The following CDH18 variants were observed in gnomAD, a reference collection of about 807,000 sequenced individuals.
CDH18 encodes cadherin 18.
Under a neutral mutation model 67.9 loss-of-function variants are expected in CDH18, and 31 were observed. The ratio of observed to expected loss-of-function variants is 0.46; its 90% CI spans 0.34 to 0.62. The LOEUF (loss-of-function observed/expected upper bound fraction) is 0.62. Ranked by LOEUF, CDH18 falls within the 20% of genes least tolerant of loss-of-function variation. The pLI is 0.01. For missense variants in CDH18, 890 were observed against 975.5 expected, an observed-to-expected ratio of 0.91 and a Z score of 1.17; for synonymous variants, 362 against 347.2, an observed-to-expected ratio of 1.04 and a Z score of -0.48.
At chr5:20,116,206 T>C (rs1312343577) in intron 2 of CDH18, among the ~76,000 whole-genome samples, 1 of 152,164 alleles carries the variant, frequency 6.6e-6, no homozygotes, top group Non-Finnish European at 1.5e-5. Context: ...TTTCAGAATG[T>C]ACACTTTGCT....
chr5:19,572,647 A>T (rs2149943116), intron 7 of CDH18, among the ~76,000 whole-genome samples: 1 of 152,292 alleles, frequency 6.6e-6, no homozygotes, highest in East Asian at 1.9e-4. Flanking sequence ...CACACAACAG[A>T]GAAACCATCT....
At chr5:20,038,620 T>A (rs1314643523) in intron 2 of CDH18, among the ~76,000 whole-genome samples, 4 of 151,956 alleles carry the variant, frequency 2.6e-5, no homozygotes, top group Non-Finnish European at 5.9e-5. Context: ...AGATACAGAT[T>A]ATGCCTTCAA....
chr5:19,543,417 G>T (rs899573029), intron 9 of CDH18, among the ~76,000 whole-genome samples: 1 of 152,030 alleles, frequency 6.6e-6, no homozygotes. Flanking sequence ...TTCTTTTACT[G>T]TAAGTTCTAT....
chr5:19,631,173 A>C (rs6873463), intron 5 of CDH18, among the ~76,000 whole-genome samples: 21,807 of 151,824 alleles, frequency 0.14, 2,006 homozygotes, highest in Admixed American at 0.19. Flanking sequence ...AAGGGAATTA[A>C]CTAAAGAGAG....
At position 19,612,540 on chromosome 5, in the gene CDH18, G is replaced by A. The variant is rs1749153752; in HGVS notation, c.705C>T (p.Val235=). ...GCCCAGCCATGTCTTTGGCTTGAAT[G>A]ACTACGGAGTAATGTTCTCTGGCTT... ...DREAREHYSV[V]IQAKDMAGQV... Residue 235 remains valine, a synonymous_variant, in exon 6 of 13, where the codon GTC becomes GTT. Transcript: ENST00000382275. 8 of 1,613,988 alleles carry A rather than the reference G, an allele frequency of 5.0e-6. No individual in the cohort carries two copies. The highest frequency in any genetic ancestry group is 6.8e-6 in the Non-Finnish European group (8 of 1,179,944).
chr5:19,800,512 C>CA (rs1448617818), intron 3 of CDH18, among the ~76,000 whole-genome samples: 1 of 151,442 alleles, frequency 6.6e-6, no homozygotes, highest in Non-Finnish European at 1.5e-5. Context: ...TATCCTCATC[C>CA]AAAAAAATGG....
intron 5 of CDH18, among the ~76,000 whole-genome samples, chr5:19,703,473 C>A (rs112261902): frequency 0.021 from 3,199 of 152,108 alleles, 88 homozygotes; most frequent in African/African-American, 0.061. Context: ...AAAGCTAAAG[C>A]GGCAAAGGAG....
chr5:20,406,133 C>T (rs1280613269), intron 1 of CDH18, among the ~76,000 whole-genome samples: 3 of 152,118 alleles, frequency 2.0e-5, no homozygotes, highest in Admixed American at 6.6e-5. Flanking sequence ...CACATGCACA[C>T]ATATGTTTAT....
chr5:19,999,736 T>C (rs762480139), intron 2 of CDH18, among the ~76,000 whole-genome samples: 1 of 152,072 alleles, frequency 6.6e-6, no homozygotes, highest in Non-Finnish European at 1.5e-5. Flanking sequence ...AATGTCGGGA[T>C]TGTTAAAAAT....
rs1024151867 is a variant in CDH18, at chr5:19,473,300, G to C, written c.2299C>G (p.Leu767Val). Residue 767 changes from leucine to valine, a missense_variant, in exon 13 of 13, where the codon CTT becomes GTT. Coordinates refer to ENST00000382275, the MANE Select transcript of CDH18 (RefSeq NM_004934.5). ...TTQSDQDYHY[L>V]GDWGPEFKKL... ...TTAAACTCGGGTCCCCAGTCTCCAA[G>C]GTAGTGATAATCCTGGTCTGATTGT... The C allele has an allele frequency of 6.2e-7, 1 of 1,613,854 alleles. No homozygotes were observed. The highest frequency in any genetic ancestry group is 2.2e-5 in the East Asian group (1 of 44,854).
At chr5:20,077,408 A>T (rs1267616383) in intron 2 of CDH18, among the ~76,000 whole-genome samples, 1 of 152,228 alleles carries the variant, frequency 6.6e-6, no homozygotes, top group African/African-American at 2.4e-5. Flanking sequence ...CAAACTGCAA[A>T]TGCAGAGCTT....
intron 2 of CDH18, among the ~76,000 whole-genome samples, chr5:20,042,988 A>G (rs2150476079): frequency 6.6e-6 from 1 of 152,102 alleles, no homozygotes; most frequent in African/African-American, 2.4e-5. Context: ...TAATTAATTA[A>G]TTAAAATAAA....
At chr5:19,726,384 A>C in intron 4 of CDH18, among the ~76,000 whole-genome samples, 1 of 152,202 alleles carries the variant, frequency 6.6e-6, no homozygotes, top group Non-Finnish European at 1.5e-5. Context: ...TTGTGTGTGA[A>C]GCAAAGAGCA....
chr5:20,211,110 C>T (rs1740316744), intron 2 of CDH18, among the ~76,000 whole-genome samples: 1 of 152,036 alleles, frequency 6.6e-6, no homozygotes, highest in Admixed American at 6.6e-5. Context: ...TTTGGTTTCC[C>T]AGTAATTATA....
At chr5:20,167,160 T>G (rs992820739) in intron 2 of CDH18, among the ~76,000 whole-genome samples, 1 of 152,146 alleles carries the variant, frequency 6.6e-6, no homozygotes, top group South Asian at 2.1e-4. Context: ...AATAAATATA[T>G]TTGAGGAATA....
At chr5:19,667,361 A>G (rs1224116437) in intron 5 of CDH18, among the ~76,000 whole-genome samples, 1 of 151,332 alleles carries the variant, frequency 6.6e-6, no homozygotes, top group South Asian at 2.1e-4. Flanking sequence ...GTAAATAAAT[A>G]TAATACTTAA....
chr5:20,223,755 T>A (rs1200475462), intron 2 of CDH18, among the ~76,000 whole-genome samples: 1 of 151,988 alleles, frequency 6.6e-6, no homozygotes, highest in Non-Finnish European at 1.5e-5. Context: ...ATAATAGGAT[T>A]TATAAAGGGT....
chr5:20,459,203 G>A (rs959347024), intron 1 of CDH18, among the ~76,000 whole-genome samples: 5 of 152,184 alleles, frequency 3.3e-5, no homozygotes, highest in Admixed American at 1.3e-4. Flanking sequence ...AGTTGGTCAA[G>A]GGATCAGCTT....
At chr5:20,110,632 T>C (rs1353212019) in intron 2 of CDH18, among the ~76,000 whole-genome samples, 1 of 152,122 alleles carries the variant, frequency 6.6e-6, no homozygotes, top group Non-Finnish European at 1.5e-5. Context: ...TTCAGTTAGC[T>C]GAGATCGCAC....
Sources: gnomAD v4.1 joint callset for allele counts (sites outside exome capture counted in the v4.1 genomes callset) on GRCh38, gnomAD v4.1.1 for gene constraint, MANE v1.5 for transcripts, NCBI Gene and HGNC (gene_info 2026-07-23, HGNC 2026-07-21) for gene names.